FHAD1: variants seen among roughly 807,000 people sequenced by gnomAD.
FHAD1 encodes forkhead-associated domain-containing protein 1.
In FHAD1, 146 loss-of-function variants were observed where a neutral mutation model predicts 191.3. The ratio of observed to expected loss-of-function variants is 0.76; its 90% CI spans 0.67 to 0.88. The LOEUF (loss-of-function observed/expected upper bound fraction) is 0.88. Among genes scored for constraint, FHAD1 ranks in the 40% least tolerant of loss-of-function variants. FHAD1 has a pLI of 0.00. For missense variants in FHAD1, 1,635 were observed against 1,785.8 expected, an observed-to-expected ratio of 0.92 and a Z score of 1.52; for synonymous variants, 616 against 672.3, an observed-to-expected ratio of 0.92 and a Z score of 1.29.
intron 15 of FHAD1, among the ~76,000 whole-genome samples, chr1:15,340,515 C>G (rs1391178095): frequency 6.6e-6 from 1 of 152,170 alleles, no homozygotes; most frequent in Non-Finnish European, 1.5e-5. Flanking sequence ...ATGGAGACTA[C>G]GAGGTATAAA....
intron 3 of FHAD1, among the ~76,000 whole-genome samples, chr1:15,283,689 G>A (rs957643841): frequency 1.3e-5 from 2 of 152,126 alleles, no homozygotes; most frequent in Non-Finnish European, 2.9e-5. Flanking sequence ...AGCCCTGCCT[G>A]GGGGGAGACT....
chr1:15,291,109 C>CTCTTT (rs1308853676), intron 4 of FHAD1, among the ~76,000 whole-genome samples: 1 of 134,344 alleles, frequency 7.4e-6, no homozygotes. Flanking sequence ...TTACTATACT[C>CTCTTT]TTTTTTTTTT....
chr1:15,246,992 A>G (rs1646119351), upstream of FHAD1, among the ~76,000 whole-genome samples: 1 of 152,144 alleles, frequency 6.6e-6, no homozygotes, highest in Non-Finnish European at 1.5e-5. Context: ...GGTAATGGAA[A>G]GGATTCTTGA....
intron 5 of FHAD1, among the ~76,000 whole-genome samples, chr1:15,299,875 T>A (rs1386559827): frequency 6.6e-6 from 1 of 152,238 alleles, no homozygotes; most frequent in Non-Finnish European, 1.5e-5. Flanking sequence ...TCCTTTGAAA[T>A]GTTGCCACAA....
chr1:15,253,251 C>A (rs867038), intron 2 of FHAD1, among the ~76,000 whole-genome samples: 107,370 of 151,238 alleles, frequency 0.71, 39,110 homozygotes, highest in East Asian at 0.95. Flanking sequence ...CATGTGTATT[C>A]ATAGATTTGT....
intron 10 of FHAD1, 27 bp downstream of exon 10, chr1:15,317,955 A>G: frequency 1.4e-6 from 2 of 1,442,236 alleles, no homozygotes; most frequent in Non-Finnish European, 1.9e-6. Flanking sequence ...AGGCCCAGAG[A>G]GTGGTGTGGG....
Position 15,296,508 on chromosome 1 carries a change from C to T in FHAD1, c.569-176C>T, listed in dbSNP as rs985654965. The T allele has an allele frequency of 4.4e-5, 28 of 637,414 alleles. No homozygotes were observed. The Middle Eastern group carries it at 1.0e-3, about 23-fold the overall frequency. 39.5% of individuals were successfully genotyped at this position (637,414 alleles called of 1,614,324 possible). A position where few individuals can be genotyped will look rare whatever the true frequency, so the allele number is the denominator to read the frequency against. On this transcript the variant is annotated intron_variant, in intron 4 of 33. Coordinates refer to ENST00000688493, the MANE Select transcript of FHAD1 (RefSeq NM_001391957.1). ...GACTGCATGATCCGCCTGCCTTGGC[C>T]TCCCAAAGTGCTGGGATTACAGGCG...
At chr1:15,349,639 TGACTGGCTGAGGA>T (rs1690134532) in intron 19 of FHAD1, among the ~76,000 whole-genome samples, 1 of 152,198 alleles carries the variant, frequency 6.6e-6, no homozygotes, top group Non-Finnish European at 1.5e-5. Context: ...GGCCCTCCCT[TGACTGGCTGAGGA>T]GTAAAAGCAC....
intron 31 of FHAD1, among the ~76,000 whole-genome samples, chr1:15,384,850 G>A (rs1701734320): frequency 6.6e-6 from 1 of 152,214 alleles, no homozygotes; most frequent in African/African-American, 2.4e-5. Flanking sequence ...ATCAGCCTGC[G>A]AGGAGGGCTG....
At chr1:15,378,524 G>A (rs1700172326) in intron 28 of FHAD1, among the ~76,000 whole-genome samples, 1 of 152,160 alleles carries the variant, frequency 6.6e-6, no homozygotes, top group East Asian at 1.9e-4. Flanking sequence ...AAAAGAGAGG[G>A]GATTCTGAAG....
intron 4 of FHAD1, among the ~76,000 whole-genome samples, chr1:15,295,278 T>A (rs1353501159): frequency 2.6e-5 from 4 of 152,128 alleles, no homozygotes. Context: ...TATGCTGTAT[T>A]TTTATTGTTG....
At chr1:15,391,118 A>C in intron 32 of FHAD1, 92 bp from the exon 33 acceptor site, 2 of 583,940 alleles carry the variant, frequency 3.4e-6, no homozygotes, top group Non-Finnish European at 5.2e-6. Flanking sequence ...AATGGTTAGC[A>C]TCTAAAAGTG....
At chr1:15,352,275 A>G (rs1056606481) in intron 19 of FHAD1, among the ~76,000 whole-genome samples, 2 of 151,622 alleles carry the variant, frequency 1.3e-5, no homozygotes, top group African/African-American at 4.9e-5. Flanking sequence ...AGTTTTTCAA[A>G]CCCTCCCTAG....
rs868587232 is a variant in FHAD1 at position 15,369,441 on chromosome 1, C to T, written c.3386C>T (p.Thr1129Met). 54 of 1,551,642 alleles carry T rather than the reference C, an allele frequency of 3.5e-5. No individual in the cohort carries two copies. In the African/African-American group the frequency reaches 4.0e-4, roughly 11 times the overall value. ...CAGAAGCCCCGGAAGAAGACCCAGA[C>T]GTGTGACACCTCTGTGCAGATAGAA... is the stretch of plus-strand genomic sequence containing the variant. The part of the protein sequence containing the change: ...KEQKPRKKTQ[T>M]CDTSVQIEPV... Residue 1129 changes from threonine to methionine, a missense_variant, in exon 26 of 34, where the codon ACG becomes ATG. Transcript: ENST00000688493.
At chr1:15,351,693 C>T (rs902814760) in intron 19 of FHAD1, among the ~76,000 whole-genome samples, 1 of 151,766 alleles carries the variant, frequency 6.6e-6, no homozygotes, top group African/African-American at 2.4e-5. Flanking sequence ...GAGCCCTCAC[C>T]ACGGGGCATG....
At chr1:15,265,612 A>T (rs1488969131) in intron 2 of FHAD1, among the ~76,000 whole-genome samples, 1 of 152,182 alleles carries the variant, frequency 6.6e-6, no homozygotes, top group Non-Finnish European at 1.5e-5. Flanking sequence ...AGGAGCTGAA[A>T]GTAATGGGAT....
intron 1 of FHAD1, among the ~76,000 whole-genome samples, chr1:15,240,150 C>T (rs4285688): frequency 0.85 from 129,345 of 152,248 alleles, 55,314 homozygotes; most frequent in East Asian, 0.95. Flanking sequence ...TGAGAGTCTA[C>T]TGGGGGTCCA....
intron 3 of FHAD1, among the ~76,000 whole-genome samples, chr1:15,284,081 C>G (rs1033432592): frequency 6.6e-6 from 1 of 152,116 alleles, no homozygotes; most frequent in African/African-American, 2.4e-5. Context: ...AAAATGCTTC[C>G]CCTACCCCAG....
chr1:15,254,682 A>C (rs1647219612), intron 2 of FHAD1, among the ~76,000 whole-genome samples: 1 of 152,244 alleles, frequency 6.6e-6, no homozygotes, highest in Non-Finnish European at 1.5e-5. Flanking sequence ...CAACAGTTCC[A>C]TTGATTTATG....
Sources: allele counts gnomAD v4.1 joint callset (sites outside exome capture counted in the v4.1 genomes callset), GRCh38; gene constraint gnomAD v4.1.1; transcripts MANE v1.5; gene names NCBI Gene and HGNC (gene_info 2026-07-23, HGNC 2026-07-21).